DLG2: variants seen among roughly 807,000 people sequenced by gnomAD.
The protein encoded by DLG2 is disks large homolog 2.
DLG2 carries 45 observed loss-of-function variants against 132.5 expected under a neutral mutation model. The ratio of observed to expected loss-of-function variants is 0.34; its 90% CI spans 0.27 to 0.44. The LOEUF (loss-of-function observed/expected upper bound fraction) is 0.44. Ranked by LOEUF, DLG2 falls within the 20% of genes least tolerant of loss-of-function variation. The pLI, the probability that DLG2 is intolerant of heterozygous loss-of-function variation, is 1.00. For missense variants in DLG2, 1,045 were observed against 1,196.9 expected (o/e 0.87, Z 1.87); for synonymous variants, 424 against 419.6 (o/e 1.01, Z -0.13).
intron 3 of DLG2, among the ~76,000 whole-genome samples, chr11:85,417,196 G>T (rs973213263): frequency 7.9e-5 from 12 of 152,154 alleles, no homozygotes; most frequent in African/African-American, 2.9e-4. Context: ...CATCTATTGA[G>T]ATAATCATGT....
intron 7 of DLG2, among the ~76,000 whole-genome samples, chr11:84,375,243 A>G (rs1207737550): frequency 6.6e-6 from 1 of 152,176 alleles, no homozygotes; most frequent in Non-Finnish European, 1.5e-5. Flanking sequence ...TTCTTGTCTT[A>G]TTAATCTTTG....
chr11:85,046,294 C>T (rs1468549765), intron 6 of DLG2, among the ~76,000 whole-genome samples: 1 of 151,980 alleles, frequency 6.6e-6, no homozygotes, highest in East Asian at 1.9e-4. Flanking sequence ...CCACACAGTA[C>T]TCCTTACTTA....
intron 6 of DLG2, among the ~76,000 whole-genome samples, chr11:84,807,322 T>A (rs902283448): frequency 1.3e-5 from 2 of 152,026 alleles, no homozygotes; most frequent in Non-Finnish European, 2.9e-5. Flanking sequence ...GGTGGGTGCC[T>A]GTAATCCCAG....
intron 6 of DLG2, among the ~76,000 whole-genome samples, chr11:85,035,827 C>G (rs2061391856): frequency 6.6e-6 from 1 of 152,164 alleles, no homozygotes; most frequent in South Asian, 2.1e-4. Flanking sequence ...TAAAAAGAAA[C>G]ATGCTTATCT....
chr11:83,494,354 C>T (rs558309134), intron 21 of DLG2, among the ~76,000 whole-genome samples: 3 of 149,524 alleles, frequency 2.0e-5, no homozygotes, highest in South Asian at 4.3e-4. Flanking sequence ...CTTGTAAACC[C>T]GCAAATTTAG....
At position 85,101,911 on chromosome 11, in the gene DLG2, T is replaced by G. The variant is rs139614273; in HGVS notation, c.357+9750A>C. Among the ~76,000 whole-genome samples, 65 of 152,172 alleles carry G rather than the reference T, an allele frequency of 4.3e-4. No homozygotes were observed. In the East Asian group the frequency reaches 0.013, roughly 30 times the overall value. ...CTAAATAGTCAGTCTTGTAACCCTC[T>G]TTATACAGTGGCTATATACATGGTC... On this transcript the variant is annotated intron_variant, in intron 6 of 27. Transcript: ENST00000376104.
intron 9 of DLG2, among the ~76,000 whole-genome samples, chr11:84,131,993 A>G (rs1023341946): frequency 4.0e-5 from 6 of 151,844 alleles, no homozygotes; most frequent in Non-Finnish European, 8.8e-5. Context: ...ACGTACACAC[A>G]CAAATAAACA....
intron 17 of DLG2, among the ~76,000 whole-genome samples, chr11:83,831,508 CTGTGTGTGTGTG>C (rs753506616): frequency 1.3e-5 from 2 of 148,748 alleles, no homozygotes; most frequent in East Asian, 3.9e-4. Flanking sequence ...TTCAGGTAAA[CTGTGTGTGTGTG>C]TGTGTGTATG....
intron 3 of DLG2, among the ~76,000 whole-genome samples, chr11:85,462,897 G>T (rs1419534548): frequency 6.6e-6 from 1 of 152,092 alleles, no homozygotes; most frequent in East Asian, 1.9e-4. Context: ...TCAGAAAGGT[G>T]GGTCATCGAT....
At chr11:84,982,627 C>A (rs963288799) in intron 6 of DLG2, among the ~76,000 whole-genome samples, 1 of 152,092 alleles carries the variant, frequency 6.6e-6, no homozygotes, top group African/African-American at 2.4e-5. Flanking sequence ...CCTGGAAACA[C>A]AGCCAGAAAA....
chr11:84,577,754 G>T (rs2099505566), intron 6 of DLG2, among the ~76,000 whole-genome samples: 2 of 152,214 alleles, frequency 1.3e-5, no homozygotes, highest in Admixed American at 1.3e-4. Context: ...AAAAATTCAA[G>T]CTGGCTGCAG....
At chr11:83,898,621 T>G (rs2072484745) in intron 15 of DLG2, among the ~76,000 whole-genome samples, 1 of 152,154 alleles carries the variant, frequency 6.6e-6, no homozygotes, top group South Asian at 2.1e-4. Context: ...AAAATAAATC[T>G]CATTGGCAAG....
At chr11:85,595,346 G>T (rs1323590474) in intron 3 of DLG2, among the ~76,000 whole-genome samples, 1 of 151,906 alleles carries the variant, frequency 6.6e-6, no homozygotes, top group Non-Finnish European at 1.5e-5. Context: ...TAAACAAAGA[G>T]ACATAAATTA....
chr11:84,796,416 T>C (rs1416366974), intron 6 of DLG2, among the ~76,000 whole-genome samples: 2 of 152,234 alleles, frequency 1.3e-5, no homozygotes, highest in Non-Finnish European at 2.9e-5. Flanking sequence ...ACTTAAGATA[T>C]TAGTAGTTTG....
At chr11:85,158,482 C>G (rs2077759621) in intron 4 of DLG2, among the ~76,000 whole-genome samples, 1 of 152,144 alleles carries the variant, frequency 6.6e-6, no homozygotes, top group South Asian at 2.1e-4. Flanking sequence ...TAGATCTACT[C>G]ATCCCAGCTG....
At chr11:85,593,589 A>T (rs2079522399) in intron 3 of DLG2, among the ~76,000 whole-genome samples, 1 of 152,236 alleles carries the variant, frequency 6.6e-6, no homozygotes, top group African/African-American at 2.4e-5. Context: ...AACTAAAAGA[A>T]TAATAAATAC....
intron 6 of DLG2, among the ~76,000 whole-genome samples, chr11:84,814,110 T>C (rs1280935945): frequency 6.6e-6 from 1 of 152,056 alleles, no homozygotes; most frequent in African/African-American, 2.4e-5. Flanking sequence ...GAAATGCGCT[T>C]GTAGATTTTT....
intron 6 of DLG2, among the ~76,000 whole-genome samples, chr11:84,793,824 A>T (rs756333954): frequency 6.6e-6 from 1 of 152,192 alleles, no homozygotes; most frequent in Non-Finnish European, 1.5e-5. Flanking sequence ...GGAACAGATA[A>T]ATGAGTCTTG....
At chr11:85,438,811 T>C (rs753979906) in intron 3 of DLG2, among the ~76,000 whole-genome samples, 3 of 152,178 alleles carry the variant, frequency 2.0e-5, no homozygotes, top group African/African-American at 4.8e-5. Flanking sequence ...ACACCTCTTG[T>C]CCTTTTATAA....
Sources: allele counts gnomAD v4.1 joint callset (sites outside exome capture counted in the v4.1 genomes callset), GRCh38; gene constraint gnomAD v4.1.1; transcripts MANE v1.5; gene names NCBI Gene and HGNC (gene_info 2026-07-23, HGNC 2026-07-21).